KCNQ1: variants seen among roughly 807,000 people sequenced by gnomAD.
KCNQ1 encodes potassium voltage-gated channel subfamily Q member 1.
In KCNQ1, 49 loss-of-function variants were observed where a neutral mutation model predicts 72.4. That is an observed-to-expected ratio of 0.68 (90% CI 0.54 to 0.86). KCNQ1 has a LOEUF of 0.86. Ranked by LOEUF, KCNQ1 falls within the 40% of genes least tolerant of loss-of-function variation. The pLI is 0.00. For synonymous variants in KCNQ1, 450 were observed against 412.6 expected (o/e 1.09, Z -1.10); for missense variants, 790 against 945.1 (o/e 0.84, Z 2.15).
chr11:2,644,688 ATC>A (rs1482236568), intron 10 of KCNQ1: 1 of 398,336 alleles, frequency 2.5e-6, no homozygotes, highest in Admixed American at 4.4e-5. Context: ...CAATTTTTTG[ATC>A]TGTCTTTCCT....
chr11:2,586,100 T>C (rs1416132501), intron 8 of KCNQ1, among the ~76,000 whole-genome samples: 1 of 152,138 alleles, frequency 6.6e-6, no homozygotes, highest in Non-Finnish European at 1.5e-5. Context: ...CGTTGCCGGG[T>C]TGAATGACAA....
At chr11:2,568,343 C>T (rs926975150) in intron 2 of KCNQ1, among the ~76,000 whole-genome samples, 8 of 152,200 alleles carry the variant, frequency 5.3e-5, no homozygotes, top group African/African-American at 1.9e-4. Flanking sequence ...AAGGGCCAGT[C>T]TGCTGGGTGG....
At chr11:2,822,516 G>T (rs1847758051) in intron 15 of KCNQ1, among the ~76,000 whole-genome samples, 1 of 152,208 alleles carries the variant, frequency 6.6e-6, no homozygotes, top group Admixed American at 6.5e-5. Flanking sequence ...TACATAATAA[G>T]TTGTGAGCCT....
intron 11 of KCNQ1, chr11:2,697,457 T>C (rs540977955): frequency 2.5e-6 from 1 of 398,610 alleles, no homozygotes; most frequent in East Asian, 3.6e-5. Context: ...TGATACACTT[T>C]TAATTTCTCT....
chr11:2,563,864 T>G lies in KCNQ1; in HGVS notation c.478-6764T>G, dbSNP rs1201060773. On this transcript the variant is annotated intron_variant, in intron 2 of 15. Transcript: ENST00000155840. The surrounding 1 kb of genome is among the most constrained non-coding windows in gnomAD (Gnocchi z 7.4). The stretch of plus-strand genomic sequence containing the variant: ...CATTTTGCAATTGACAAATGGCTTG[T>G]GCTTAGCTATTTCGTTGAATGCTGA... Among the ~76,000 whole-genome samples, 1 of 152,246 alleles carries G rather than the reference T, an allele frequency of 6.6e-6. No individual in the cohort carries two copies. Among genetic ancestry groups the G allele is most frequent in the Non-Finnish European group, 1.5e-5 (1 of 68,040 alleles).
In KCNQ1 at chr11:2,475,730, C is replaced by T. The variant is rs184610858; in HGVS notation, c.386+30246C>T. On this transcript the variant is annotated intron_variant, in intron 1 of 15. Coordinates refer to ENST00000155840, the MANE Select transcript of KCNQ1 (RefSeq NM_000218.3). The surrounding 1 kb of genome is among the most constrained non-coding windows in gnomAD (Gnocchi z 5.8). The stretch of plus-strand genomic sequence containing the variant: ...GACCTGGTGGGGGGTAATTGAATCA[C>T]GGGGACGAGTCTTTCCTGTGCTGTT... Among the ~76,000 whole-genome samples, 133 of 152,240 alleles carry T rather than the reference C, an allele frequency of 8.7e-4. No homozygotes were observed. The highest frequency in any genetic ancestry group is 1.6e-3 in the Non-Finnish European group (106 of 68,020).
At chr11:2,644,694 C>G (rs1181025740) in intron 10 of KCNQ1, 1 of 398,550 alleles carries the variant, frequency 2.5e-6, no homozygotes, top group East Asian at 3.6e-5. Context: ...TTTGATCTGT[C>G]TTTCCTAAGA....
At chr11:2,805,855 T>TC (rs944433877) in intron 15 of KCNQ1, among the ~76,000 whole-genome samples, 2 of 151,910 alleles carry the variant, frequency 1.3e-5, no homozygotes, top group African/African-American at 4.8e-5. Context: ...AAAACATTCC[T>TC]CCCCCCTTGA....
At chr11:2,472,379 GGT>G (rs200648241) in intron 1 of KCNQ1, among the ~76,000 whole-genome samples, 2 of 150,734 alleles carry the variant, frequency 1.3e-5, no homozygotes, top group Non-Finnish European at 3.0e-5. Context: ...TGTCTGTATA[GGT>G]GTGTGTGTTT....
At position 2,752,524 on chromosome 11, in the gene KCNQ1, G is replaced by A. The variant is rs1170262480; in HGVS notation, c.1515-16320G>A. On this transcript the variant is annotated intron_variant, in intron 11 of 15. Transcript: ENST00000155840. The surrounding 1 kb of genome is among the most constrained non-coding windows in gnomAD (Gnocchi z 5.2). ...TTGTTCTGGAGACTGGGAAGCACAG[G>A]GTCAGGGCGCCAGCAGATCTGGTGT... Among the ~76,000 whole-genome samples the A allele has an allele frequency of 6.6e-6, 1 of 152,098 alleles. No individual in the cohort carries two copies. Among genetic ancestry groups the A allele is most frequent in the African/African-American group, 2.4e-5 (1 of 41,412 alleles).
At chr11:2,672,753 C>T (rs549314700) in intron 11 of KCNQ1, 3 of 398,634 alleles carry the variant, frequency 7.5e-6, no homozygotes, top group Non-Finnish European at 1.3e-5. Flanking sequence ...TTTTGCTGGT[C>T]CAGCATGGCC....
rs888651088 is a variant in KCNQ1 at position 2,767,661 on chromosome 11, T to A, written c.1515-1183T>A. The stretch of plus-strand genomic sequence containing the variant: ...TAATGTGATGGAAAGTTGGCATTGC[T>A]TAGTTTCTGGGGCTGCCTTCTAGAT... On this transcript the variant is annotated intron_variant, in intron 11 of 15. Transcript: ENST00000155840. This position sits in a 1 kb window ranked among gnomAD's most constrained non-coding sequence, Gnocchi z 4.6. 6.6e-6 allele frequency among the ~76,000 whole-genome samples: 1 copy of A among 152,212 alleles called. No homozygotes were observed. The highest frequency in any genetic ancestry group is 1.5e-5 in the Non-Finnish European group (1 of 68,034).
chr11:2,669,563 C>G lies in KCNQ1; in HGVS notation c.1514+7482C>G. 2.5e-6 allele frequency: 1 copy of G among 398,620 alleles called. No individual in the cohort carries two copies. The allele number at this position is 398,620 out of a possible 1,614,324, so 24.7% of individuals were successfully genotyped here. A position where few individuals can be genotyped will look rare whatever the true frequency, so the allele number is the denominator to read the frequency against. Reference sequence around the variant, plus strand: ...GACAAGGTCTGTCAGGGAGCCCTGGCCAGCTTGGGTCATTTCATCCTGCCC... The same window carrying G: ...GACAAGGTCTGTCAGGGAGCCCTGGGCAGCTTGGGTCATTTCATCCTGCCC... On this transcript the variant is annotated intron_variant, in intron 11 of 15. Transcript: ENST00000155840. This position sits in a 1 kb window ranked among gnomAD's most constrained non-coding sequence, Gnocchi z 5.6.
At chr11:2,780,154 C>T (rs1846796508) in intron 15 of KCNQ1, among the ~76,000 whole-genome samples, 1 of 152,166 alleles carries the variant, frequency 6.6e-6, no homozygotes, top group Non-Finnish European at 1.5e-5. Context: ...TGGAACCTGG[C>T]TGCCCATCAA....
In KCNQ1 at chr11:2,746,670, C is replaced by A. The variant is rs775665861; in HGVS notation, c.1515-22174C>A. 6.6e-6 allele frequency among the ~76,000 whole-genome samples: 1 copy of A among 152,204 alleles called. No homozygotes were observed. Among genetic ancestry groups the A allele is most frequent in the African/African-American group, 2.4e-5 (1 of 41,460 alleles). On this transcript the variant is annotated intron_variant, in intron 11 of 15. Transcript: ENST00000155840. This position sits in a 1 kb window ranked among gnomAD's most constrained non-coding sequence, Gnocchi z 5.9. ...AAATGCCCTTCTCATCGCCCTGTTC[C>A]GAGGGCCCATCCTGTCGGTGTGGCT...
rs540357776 is a variant in KCNQ1 at position 2,752,473 on chromosome 11, C to A, written c.1515-16371C>A. On this transcript the variant is annotated intron_variant, in intron 11 of 15. Coordinates refer to ENST00000155840, the MANE Select transcript of KCNQ1 (RefSeq NM_000218.3). This position sits in a 1 kb window ranked among gnomAD's most constrained non-coding sequence, Gnocchi z 5.2. ...GTCTGCTATAACCAAATACCTTAGA[C>A]CTGGTGATTCATACTTAGGAATTCA... 6.6e-6 allele frequency among the ~76,000 whole-genome samples: 1 copy of A among 152,140 alleles called. No individual in the cohort carries two copies. The highest frequency in any genetic ancestry group is 2.1e-4 in the South Asian group (1 of 4,804).
rs1045455673 is a variant in KCNQ1, at chr11:2,587,511, A to G, written c.1129-59A>G. The G allele has an allele frequency of 1.4e-5, 23 of 1,610,824 alleles. 1 individual carries two copies. The highest frequency in any genetic ancestry group is 1.9e-5 in the Non-Finnish European group (23 of 1,179,588). ...ACAGGGAGGGGGAGCTGTAGCTTCC[A>G]TAAGGGCCCCCGCCGGGTGGCTCAG... On this transcript the variant is annotated intron_variant, in intron 8 of 15. Transcript: ENST00000155840.
At chr11:2,760,428 T>C (rs1846373552) in intron 11 of KCNQ1, among the ~76,000 whole-genome samples, 1 of 152,188 alleles carries the variant, frequency 6.6e-6, no homozygotes, top group African/African-American at 2.4e-5. Flanking sequence ...GAGATACAGG[T>C]CAGTGGGTGC....
chr11:2,695,143 C>T lies in KCNQ1; in HGVS notation c.1514+33062C>T, dbSNP rs1850652729. On this transcript the variant is annotated intron_variant, in intron 11 of 15. Coordinates refer to ENST00000155840, the MANE Select transcript of KCNQ1 (RefSeq NM_000218.3). This position sits in a 1 kb window ranked among gnomAD's most constrained non-coding sequence, Gnocchi z 5.2. ...ATGGAGGCACATTCATTCGTTGGTT[C>T]TTGGCTTTTGGGACTCTGCACAGAG... is the stretch of plus-strand genomic sequence containing the variant. The T allele has an allele frequency of 2.5e-6, 1 of 398,516 alleles. No individual in the cohort carries two copies. Among genetic ancestry groups the T allele is most frequent in the Admixed American group, 4.4e-5 (1 of 22,714 alleles). The allele number at this position is 398,516 out of a possible 1,614,324, so 24.7% of individuals were successfully genotyped here. A position where few individuals can be genotyped will look rare whatever the true frequency, so the allele number is the denominator to read the frequency against.
Sources: gnomAD v4.1 joint callset for allele counts (sites outside exome capture counted in the v4.1 genomes callset) on GRCh38, gnomAD v4.1.1 for gene constraint, Gnocchi (gnomAD v3.1) non-coding constraint, MANE v1.5 for transcripts, NCBI Gene and HGNC (gene_info 2026-07-23, HGNC 2026-07-21) for gene names.